The following CDC25B variants were observed in gnomAD, a reference collection of about 807,000 sequenced individuals.
CDC25B encodes M-phase inducer phosphatase 2.
Under a neutral mutation model 69.8 loss-of-function variants are expected in CDC25B, and 33 were observed. The ratio of observed to expected loss-of-function variants is 0.47; its 90% CI spans 0.36 to 0.63. The LOEUF (loss-of-function observed/expected upper bound fraction) is 0.63. Among genes scored for constraint, CDC25B ranks in the 30% least tolerant of loss-of-function variants. The pLI is 0.00. For missense variants in CDC25B, 727 were observed against 809.1 expected (o/e 0.90, Z 1.23); for synonymous variants, 341 against 314.6 (o/e 1.08, Z -0.89).
chr20:3,802,525 A>G (rs1434103649), intron 11 of CDC25B, 149 bp downstream of exon 11: 2 of 624,872 alleles, frequency 3.2e-6, no homozygotes, highest in African/African-American at 1.8e-5. Flanking sequence ...TTGTTCTCAC[A>G]TAGACTCCTC....
At position 3,805,821 on chromosome 20, in the gene CDC25B, A is replaced by G; in HGVS notation, c.*860A>G. ...GATGGAAGGTTGGATGGATGGGTGG[A>G]TGGCCGTGGATGGCCGTGGATGCGC... On this transcript the variant is annotated 3_prime_UTR_variant, in exon 16 of 16. Coordinates refer to ENST00000245960, the MANE Select transcript of CDC25B (RefSeq NM_021873.4). 1 of 405,736 alleles carries G rather than the reference A, an allele frequency of 2.5e-6. No homozygotes were observed. The highest frequency in any genetic ancestry group is 3.5e-5 in the East Asian group (1 of 28,274). 25.1% of individuals were successfully genotyped at this position (405,736 alleles called of 1,614,324 possible).
At chr20:3,804,522 G>C (rs760385327) in intron 14 of CDC25B, 47 bp from the exon 15 acceptor site, 1 of 1,216,866 alleles carries the variant, frequency 8.2e-7, no homozygotes, top group Non-Finnish European at 1.2e-6. Flanking sequence ...TGATGTACAA[G>C]CCACTGCATG....
At chr20:3,797,484 G>A (rs989396517) in intron 1 of CDC25B, 138 bp from the exon 2 acceptor site, 1 of 1,096,732 alleles carries the variant, frequency 9.1e-7, no homozygotes, top group African/African-American at 1.6e-5. Flanking sequence ...GAGAAGAGGG[G>A]GCCCTCAGGG....
upstream of CDC25B, among the ~76,000 whole-genome samples, chr20:3,791,860 G>A (rs1213198243): frequency 2.6e-5 from 4 of 152,200 alleles, no homozygotes; most frequent in Admixed American, 6.5e-5. Context: ...GTACTAATAT[G>A]GATCCATCTC....
chr20:3,794,831 C>T (rs2088984174), upstream of CDC25B, among the ~76,000 whole-genome samples: 1 of 152,148 alleles, frequency 6.6e-6, no homozygotes, highest in African/African-American at 2.4e-5. Context: ...TCCCTTTTGC[C>T]ACCCCCATCC....
At position 3,800,841 on chromosome 20, in the gene CDC25B, C is replaced by T. The variant is rs756159379; in HGVS notation, c.558C>T (p.Ser186=). ...RKSEAGSGAA[S]SSGEDKENDG... ...GCGAGGCGGGCAGTGGAGCTGCCAGCAGCTCTGGGGAAGACAAGGAGAATG... is the reference window on the plus strand; with the variant it reads ...GCGAGGCGGGCAGTGGAGCTGCCAGTAGCTCTGGGGAAGACAAGGAGAATG... The change falls in exon 6 of 16, where the codon AGC becomes AGT. Residue 186 remains serine (S), a synonymous_variant. Transcript: ENST00000245960. 3.7e-6 allele frequency: 6 copies of T among 1,613,686 alleles called. No homozygotes were observed. Among genetic ancestry groups the T allele is most frequent in the Non-Finnish European group, 5.1e-6 (6 of 1,180,016 alleles).
chr20:3,801,840 A>G (rs765704112), intron 9 of CDC25B, 38 bp downstream of exon 9: 2 of 1,583,676 alleles, frequency 1.3e-6, no homozygotes, highest in Non-Finnish European at 8.6e-7. Context: ...ATTTGGAGGC[A>G]TGGGGTCCAT....
In CDC25B at chr20:3,800,862, G is replaced by T. The variant is rs1266143183; in HGVS notation, c.579G>T (p.Glu193Asp). 2.5e-6 allele frequency: 4 copies of T among 1,613,792 alleles called. No homozygotes were observed. The highest frequency in any genetic ancestry group is 3.4e-6 in the Non-Finnish European group (4 of 1,179,976). Residue 193 changes from glutamate (E) to aspartate (D), a missense_variant, in exon 6 of 16, where the codon GAG (glutamate) becomes GAT (aspartate). By Grantham distance (45) the Glu-to-Asp change is conservative. This residue lies in a region of CDC25B where 368 missense variants were observed against 345.6 expected (regional missense o/e 1.06). Coordinates refer to ENST00000245960, the MANE Select transcript of CDC25B (RefSeq NM_021873.4). ...GAASSSGEDKENDGFVFKMPW... is the reference protein window; with the variant it reads ...GAASSSGEDKDNDGFVFKMPW... ...CCAGCAGCTCTGGGGAAGACAAGGA[G>T]AATGTGCGCTTCTGGAAGGCCGGGG...
chr20:3,790,256 AGACTCTG>A (rs1358267296), intron 1 of CDC25B, among the ~76,000 whole-genome samples: 1 of 151,500 alleles, frequency 6.6e-6, no homozygotes, highest in Non-Finnish European at 1.5e-5. Flanking sequence ...TGACAGAGTG[AGACTCTG>A]TCTCAAAAAA....
Position 3,806,003 on chromosome 20 carries a change from C to T in CDC25B, c.*1042C>T, listed in dbSNP as rs1600413072. ...GTCACAGAAGCAGCTAAACCAAGGA[C>T]TGAGCACCCTCTGGATTCTGAATCT... On this transcript the variant is annotated 3_prime_UTR_variant, in exon 16 of 16. Transcript: ENST00000245960. The T allele has an allele frequency of 2.5e-6, 1 of 399,178 alleles. No homozygotes were observed. The highest frequency in any genetic ancestry group is 3.6e-5 in the East Asian group (1 of 28,076). The allele number at this position is 399,178 out of a possible 1,614,324, so 24.7% of individuals were successfully genotyped here. A position where few individuals can be genotyped will look rare whatever the true frequency, so the allele number is the denominator to read the frequency against.
chr20:3,798,345 G>A, intron 2 of CDC25B, 67 bp from the exon 3 acceptor site: 1 of 639,148 alleles, frequency 1.6e-6, no homozygotes, highest in Non-Finnish European at 2.5e-6. Context: ...TTTCATATTG[G>A]GACATGGTGG....
chr20:3,787,683 T>A (rs2088847871), intron 1 of CDC25B, among the ~76,000 whole-genome samples: 1 of 152,158 alleles, frequency 6.6e-6, no homozygotes, highest in Non-Finnish European at 1.5e-5. Context: ...TAAAAATCTC[T>A]TAGGGCAGCA....
Position 3,801,112 on chromosome 20 carries a change from T to A in CDC25B, c.705+19T>A. On this transcript the variant is annotated intron_variant, in intron 7 of 15. Coordinates refer to ENST00000245960, the MANE Select transcript of CDC25B (RefSeq NM_021873.4). The stretch of plus-strand genomic sequence containing the variant: ...CCTGATGGTACATCCAGAGAGCGGA[T>A]CCCTGGGAGGGGCCTGGGGAGGCAG... 6.2e-7 allele frequency: 1 copy of A among 1,613,316 alleles called. No homozygotes were observed. Among genetic ancestry groups the A allele is most frequent in the South Asian group, 1.1e-5 (1 of 91,060 alleles).
intron 1 of CDC25B, among the ~76,000 whole-genome samples, chr20:3,787,859 G>A (rs577250585): frequency 2.0e-5 from 3 of 152,274 alleles, no homozygotes; most frequent in Non-Finnish European, 4.4e-5. Flanking sequence ...AAGAGGCCAG[G>A]TGCAGTGGCT....
At position 3,803,338 on chromosome 20, in the gene CDC25B, G is replaced by T; in HGVS notation, c.1357-66G>T. ...GGGTTCCTACTAAGAGAAGGACAGC[G>T]ACTGCACGGGGAGGGCCCTGACTCC... is the stretch of plus-strand genomic sequence containing the variant. On this transcript the variant is annotated intron_variant, in intron 13 of 15. Coordinates refer to ENST00000245960, the MANE Select transcript of CDC25B (RefSeq NM_021873.4). The surrounding 1 kb of genome is among the most constrained non-coding windows in gnomAD (Gnocchi z 4.9). The T allele has an allele frequency of 6.2e-7, 1 of 1,609,058 alleles. No homozygotes were observed. Among genetic ancestry groups the T allele is most frequent in the Non-Finnish European group, 8.5e-7 (1 of 1,176,562 alleles).
rs893588116 is a variant in CDC25B at position 3,803,645 on chromosome 20, C to A, written c.1490+108C>A. 1.4e-6 allele frequency: 2 copies of A among 1,413,370 alleles called. No homozygotes were observed. Among genetic ancestry groups the A allele is most frequent in the African/African-American group, 2.8e-5 (2 of 70,982 alleles). 87.6% of individuals were successfully genotyped at this position (1,413,370 alleles called of 1,614,324 possible). A position where few individuals can be genotyped will look rare whatever the true frequency, so the allele number is the denominator to read the frequency against. ...GGCCAGGGGTGCAAGTCCAGGTCCT[C>A]CTCTGTCCCATCTGATGGCCTAGAG... On this transcript the variant is annotated intron_variant, in intron 14 of 15. Coordinates refer to ENST00000245960, the MANE Select transcript of CDC25B (RefSeq NM_021873.4). This position sits in a 1 kb window ranked among gnomAD's most constrained non-coding sequence, Gnocchi z 4.9.
At chr20:3,795,753 C>G (rs3761220), upstream of CDC25B, 243,477 of 985,398 alleles carry the variant, frequency 0.25, 31,485 homozygotes, top group East Asian at 0.37. Flanking sequence ...TGCTGCTCAG[C>G]GCAGCCAGTC....
rs1349332634 is a variant in CDC25B, at chr20:3,796,428, C to A, written c.-104C>A. The stretch of plus-strand genomic sequence containing the variant: ...TCCTCCCTCCCTCCTTCCCCCCCCC[C>A]CCACCCCTCGCCCGCTGCCTCCCTC... On this transcript the variant is annotated 5_prime_UTR_variant, in exon 1 of 16. Transcript: ENST00000245960. The A allele has an allele frequency of 3.0e-5, 9 of 297,526 alleles. 1 individual carries two copies. The highest frequency in any genetic ancestry group is 1.8e-4 in the South Asian group (4 of 22,700). 18.4% of individuals were successfully genotyped at this position (297,526 alleles called of 1,614,324 possible). A position where few individuals can be genotyped will look rare whatever the true frequency, so the allele number is the denominator to read the frequency against.
chr20:3,787,776 G>C (rs977833970), intron 1 of CDC25B, among the ~76,000 whole-genome samples: 2 of 152,080 alleles, frequency 1.3e-5, no homozygotes, highest in Admixed American at 1.3e-4. Context: ...ATGAAGCTGT[G>C]GGTGAGTGTA....
Sources: allele counts gnomAD v4.1 joint callset (sites outside exome capture counted in the v4.1 genomes callset), GRCh38; gene constraint gnomAD v4.1.1; regional missense constraint gnomAD v4.1.1; non-coding constraint Gnocchi (gnomAD v3.1); transcripts MANE v1.5; gene names NCBI Gene and HGNC (gene_info 2026-07-23, HGNC 2026-07-21).